SEL1L2: variants seen among roughly 807,000 people sequenced by gnomAD.
SEL1L2 encodes the protein SEL1L2 adaptor subunit of SYVN1 ubiquitin ligase.
In SEL1L2, 89 loss-of-function variants were observed where a neutral mutation model predicts 98.8. The observed-to-expected ratio is 0.90, with a 90% CI of 0.76 to 1.07. The LOEUF is 1.07. Among genes scored for constraint, SEL1L2 ranks in the 50% least tolerant of loss-of-function variants. The pLI, the probability that SEL1L2 is intolerant of heterozygous loss-of-function variation, is 0.00. For synonymous variants in SEL1L2, 262 were observed against 278.5 expected (o/e 0.94, Z 0.59); for missense variants, 788 against 812.0 (o/e 0.97, Z 0.36).
chr20:13,909,192 C>A (rs928385907), intron 5 of SEL1L2, among the ~76,000 whole-genome samples: 1 of 152,166 alleles, frequency 6.6e-6, no homozygotes, highest in Non-Finnish European at 1.5e-5. Context: ...GTTCCCAATA[C>A]TTCCAGCAGT....
At chr20:13,922,645 C>A (rs1225084062) in intron 3 of SEL1L2, among the ~76,000 whole-genome samples, 1 of 152,182 alleles carries the variant, frequency 6.6e-6, no homozygotes, top group African/African-American at 2.4e-5. Context: ...CCCTTTGTAT[C>A]ATTTTAATGA....
chr20:13,913,376 G>A (rs895867301), intron 5 of SEL1L2: 1 of 153,836 alleles, frequency 6.5e-6, no homozygotes, highest in African/African-American at 2.4e-5. Flanking sequence ...AAGATGGTTG[G>A]CTTGGAAATA....
intron 3 of SEL1L2, among the ~76,000 whole-genome samples, chr20:13,930,090 C>T (rs1009866482): frequency 6.6e-6 from 1 of 152,230 alleles, no homozygotes; most frequent in South Asian, 2.1e-4. Context: ...GGCCACCGGC[C>T]TTCTGATTGC....
upstream of SEL1L2, among the ~76,000 whole-genome samples, chr20:13,993,409 G>A (rs1282087652): frequency 6.6e-6 from 1 of 152,188 alleles, no homozygotes; most frequent in Non-Finnish European, 1.5e-5. Flanking sequence ...TTTGGTACAC[G>A]GCACATTTCA....
At chr20:13,965,719 C>T (rs2051009585) in intron 1 of SEL1L2, among the ~76,000 whole-genome samples, 1 of 152,156 alleles carries the variant, frequency 6.6e-6, no homozygotes, top group South Asian at 2.1e-4. Context: ...CTTTGGGAAG[C>T]AGAGGCGGGC....
chr20:13,871,204 A>C (rs1012627112), intron 12 of SEL1L2, among the ~76,000 whole-genome samples: 11 of 152,170 alleles, frequency 7.2e-5, no homozygotes, highest in Admixed American at 3.9e-4. Flanking sequence ...ATAGTAAAGC[A>C]TCGTTGGTAT....
chr20:13,888,734 G>T (rs186764532), intron 5 of SEL1L2, among the ~76,000 whole-genome samples: 17 of 141,408 alleles, frequency 1.2e-4, no homozygotes, highest in African/African-American at 4.2e-4. Context: ...TGCCTCCAGG[G>T]TTCAAGTGAT....
intron 1 of SEL1L2, among the ~76,000 whole-genome samples, chr20:13,974,475 C>CTCTTTTTTTTT (rs71335938): frequency 1.2e-5 from 1 of 80,180 alleles, no homozygotes; most frequent in South Asian, 5.3e-4. Flanking sequence ...CTCTCTCTCT[C>CTCTTTTTTTTT]TTTTTTTTTT....
rs114091115 is a variant in SEL1L2 at position 13,952,518 on chromosome 20, C to G, written c.114+3558G>C. ...TCATGGGTGCAAGCTACTTTGGCAC[C>G]TATGGATGGCACCTGCTAAGTTCAC... On this transcript the variant is annotated intron_variant, in intron 2 of 19. Coordinates refer to ENST00000284951, the MANE Select transcript of SEL1L2 (RefSeq NM_025229.2). Among the ~76,000 whole-genome samples, 1,100 of 152,260 alleles carry G rather than the reference C, an allele frequency of 7.2e-3. 11 individuals are homozygous for G. Among genetic ancestry groups the G allele is most frequent in the African/African-American group, 0.024 (990 of 41,544 alleles).
Position 13,888,516 on chromosome 20 carries a change from A to C in SEL1L2, c.550-4T>G. On this transcript the variant is annotated splice_polypyrimidine_tract_variant and splice_region_variant and intron_variant, in intron 5 of 19. Coordinates refer to ENST00000284951, the MANE Select transcript of SEL1L2 (RefSeq NM_025229.2). ...AAGAAGACAAAAATCCTAATGCCTAAAGCACAAAAGAAGAAACAAAATTTA... is the reference window on the plus strand; with the variant it reads ...AAGAAGACAAAAATCCTAATGCCTACAGCACAAAAGAAGAAACAAAATTTA... 1.3e-6 allele frequency: 2 copies of C among 1,518,054 alleles called. No homozygotes were observed. Among genetic ancestry groups the C allele is most frequent in the Non-Finnish European group, 1.8e-6 (2 of 1,105,224 alleles). 94.0% of individuals were successfully genotyped at this position (1,518,054 alleles called of 1,614,324 possible).
chr20:13,982,869 C>CA (rs796344102), intron 1 of SEL1L2, among the ~76,000 whole-genome samples: 12 of 150,854 alleles, frequency 8.0e-5, no homozygotes, highest in Admixed American at 2.0e-4. Flanking sequence ...ACTAAAAATA[C>CA]AAAAATTAGC....
chr20:13,958,984 G>A (rs2050664626), intron 1 of SEL1L2, among the ~76,000 whole-genome samples: 1 of 151,810 alleles, frequency 6.6e-6, no homozygotes, highest in Non-Finnish European at 1.5e-5. Flanking sequence ...GAGCATAGTG[G>A]GCGGCCATCG....
chr20:13,947,253 G>A (rs138582075), intron 2 of SEL1L2, among the ~76,000 whole-genome samples: 130 of 152,172 alleles, frequency 8.5e-4, no homozygotes, highest in African/African-American at 2.9e-3. Context: ...AAAAACCCCC[G>A]GACTCAGCTA....
At chr20:13,877,630 A>C in intron 10 of SEL1L2, 42 bp from the exon 11 acceptor site, 5 of 1,492,542 alleles carry the variant, frequency 3.3e-6, no homozygotes, top group Non-Finnish European at 4.7e-6. Flanking sequence ...TCACAAAATA[A>C]ATCCTTCAAA....
intron 5 of SEL1L2, among the ~76,000 whole-genome samples, chr20:13,892,371 A>G (rs1260405934): frequency 6.6e-6 from 1 of 151,856 alleles, no homozygotes; most frequent in Admixed American, 6.6e-5. Flanking sequence ...AATTGCTTGA[A>G]CCTGAGAGGT....
At chr20:13,874,891 G>T (rs937308910) in intron 12 of SEL1L2, among the ~76,000 whole-genome samples, 13 of 152,170 alleles carry the variant, frequency 8.5e-5, no homozygotes, top group African/African-American at 3.1e-4. Flanking sequence ...TTCCTACTGT[G>T]CAGGGTTAGA....
intron 18 of SEL1L2, among the ~76,000 whole-genome samples, chr20:13,853,557 T>C (rs1266507064): frequency 6.6e-6 from 1 of 152,200 alleles, no homozygotes; most frequent in Non-Finnish European, 1.5e-5. Flanking sequence ...ATTGTAATAA[T>C]GGTTAATATG....
intron 1 of SEL1L2, among the ~76,000 whole-genome samples, chr20:13,974,764 G>A (rs1016364683): frequency 1.3e-5 from 2 of 151,990 alleles, no homozygotes; most frequent in African/African-American, 4.8e-5. Context: ...CACTGCACCA[G>A]GGCTCCTTCC....
At chr20:13,933,106 A>T (rs1392692262) in intron 2 of SEL1L2, among the ~76,000 whole-genome samples, 6 of 152,016 alleles carry the variant, frequency 3.9e-5, no homozygotes, top group African/African-American at 1.5e-4. Context: ...GCTACTTGGG[A>T]GGTGAGGCAG....
Sources: gnomAD v4.1 joint callset for allele counts (sites outside exome capture counted in the v4.1 genomes callset) on GRCh38, gnomAD v4.1.1 for gene constraint, MANE v1.5 for transcripts, NCBI Gene and HGNC (gene_info 2026-07-23, HGNC 2026-07-21) for gene names.